Variants in TBC1D9B observed in about 807,000 individuals in gnomAD.
TBC1D9B encodes TBC1 domain family member 9B.
TBC1D9B carries 87 observed loss-of-function variants against 121.1 expected under a neutral mutation model. The observed-to-expected ratio is 0.72, with a 90% CI of 0.60 to 0.86. The LOEUF is 0.86. TBC1D9B is among the 40% of genes least tolerant of loss of function. The pLI, the probability that TBC1D9B is intolerant of heterozygous loss-of-function variation, is 0.00. For missense variants in TBC1D9B, 1,540 were observed against 1,628.6 expected, an observed-to-expected ratio of 0.95 and a Z score of 0.94; for synonymous variants, 668 against 670.1, an observed-to-expected ratio of 1.00 and a Z score of 0.05.
Position 179,891,506 on chromosome 5 carries a change from G to C in TBC1D9B, c.917C>G (p.Thr306Arg), listed in dbSNP as rs778754397. 1 of 1,614,174 alleles carries C rather than the reference G, an allele frequency of 6.2e-7. No homozygotes were observed. The highest frequency in any genetic ancestry group is 1.1e-5 in the South Asian group (1 of 91,086). Residue 306 changes from threonine (T) to arginine (R), a missense_variant, in exon 6 of 21, where the codon ACA becomes AGA. Thr to Arg is a moderately conservative substitution (Grantham distance 71). Coordinates refer to ENST00000355235, the MANE Select transcript of TBC1D9B (RefSeq NM_015043.4). The surrounding 1 kb of genome is among the most constrained non-coding windows in gnomAD (Gnocchi z 4.3). ...GAACGGCGTCCACAGGGTGCAGCTT[G>C]TGTGGCCGTCTAGCCGCTCATCCCT... ...LPRDERLDGH[T>R]SCTLWTPFNK...
intron 6 of TBC1D9B, among the ~76,000 whole-genome samples, chr5:179,889,155 A>G (rs977937686): frequency 1.6e-4 from 25 of 151,624 alleles, no homozygotes; most frequent in Admixed American, 9.8e-4. Context: ...TCAGCCTCCC[A>G]AGTAGCTGGG....
chr5:179,878,905 A>C, intron 9 of TBC1D9B, 142 bp downstream of exon 9: 1 of 1,221,820 alleles, frequency 8.2e-7, no homozygotes, highest in Non-Finnish European at 1.1e-6. Context: ...CAGAGCCCAG[A>C]GCCCGGCTCC....
intron 2 of TBC1D9B, among the ~76,000 whole-genome samples, chr5:179,900,602 T>C (rs1761139422): frequency 6.6e-6 from 1 of 152,108 alleles, no homozygotes; most frequent in African/African-American, 2.4e-5. Context: ...CAGGGTTAGG[T>C]TCCTGGAGCC....
intron 8 of TBC1D9B, 66 bp downstream of exon 8, chr5:179,879,562 G>A: frequency 1.2e-6 from 2 of 1,610,108 alleles, no homozygotes; most frequent in Non-Finnish European, 1.7e-6. Flanking sequence ...CCCAGGACTG[G>A]CTCCAGCTTT....
intron 7 of TBC1D9B, among the ~76,000 whole-genome samples, chr5:179,886,435 G>C (rs556178501): frequency 6.6e-6 from 1 of 152,138 alleles, no homozygotes; most frequent in African/African-American, 2.4e-5. Context: ...CATGGAGGCA[G>C]AGGAGGCTCG....
At chr5:179,901,749 C>T (rs1761172105) in intron 2 of TBC1D9B, among the ~76,000 whole-genome samples, 1 of 152,168 alleles carries the variant, frequency 6.6e-6, no homozygotes, top group African/African-American at 2.4e-5. Context: ...GCCTGGGCAA[C>T]AGAAAGAGAA....
chr5:179,868,849 G>C (rs915584675), intron 17 of TBC1D9B: 1 of 152,724 alleles, frequency 6.5e-6, no homozygotes, highest in Non-Finnish European at 1.5e-5. Flanking sequence ...GGCAGGCTGA[G>C]GAGGCTCAGG....
In TBC1D9B at chr5:179,891,459, G is replaced by A. The variant is rs772091781; in HGVS notation, c.964C>T (p.Gln322Ter). The change falls in exon 6 of 21, where the codon CAG becomes TAG. Residue 322 changes from glutamine (Q) to a stop codon, truncating the protein, a stop_gained. Coordinates refer to ENST00000355235, the MANE Select transcript of TBC1D9B (RefSeq NM_015043.4). LOFTEE classifies it high-confidence loss of function. This position sits in a 1 kb window ranked among gnomAD's most constrained non-coding sequence, Gnocchi z 4.3. Reference protein sequence around the residue: ...TPFNKLHIPGQMFISNNYICF... With the variant: ...TPFNKLHIPG ...ATGTAGTTGTTGGAGATGAACATCT[G>A]GCCAGGGATGTGCAGCTTGTTGAAC... The A allele has an allele frequency of 6.2e-7, 1 of 1,614,238 alleles. No individual in the cohort carries two copies. Among genetic ancestry groups the A allele is most frequent in the Non-Finnish European group, 8.5e-7 (1 of 1,180,040 alleles).
At position 179,894,560 on chromosome 5, in the gene TBC1D9B, C is replaced by G. The variant is rs898192019; in HGVS notation, c.403G>C (p.Gly135Arg). The change falls in exon 4 of 21, where the codon GGG (glycine) becomes CGG (arginine). Residue 135 changes from glycine (G) to arginine (R), a missense_variant. Transcript: ENST00000355235. ...TTCAGCTCAGCCTCCTTGAACTTCC[C>G]GGGGTCCTCGTCTCCCTGGGGCTGC... ...NLQPQGDEDP[G>R]KFKEAELKMR... The G allele has an allele frequency of 1.2e-6, 2 of 1,614,230 alleles. No individual in the cohort carries two copies.
Position 179,870,444 on chromosome 5 carries a change from G to T in TBC1D9B, c.2536C>A (p.Arg846Ser). 3 of 1,613,052 alleles carry T rather than the reference G, an allele frequency of 1.9e-6. No homozygotes were observed. ...AGGTAGGGCAGGCTGGGGTCCCGAC[G>T]GCCGGCCATTGTGCGGCTGCACCCC... Reference protein sequence around the residue: ...YWGCSRTMAGRRDPSLPYLEQ... With the variant: ...YWGCSRTMAGSRDPSLPYLEQ... Residue 846 changes from arginine (R) to serine (S), a missense_variant, in exon 16 of 21, where the codon CGT (arginine) becomes AGT (serine). By Grantham distance (110) the Arg-to-Ser change is moderately radical. Coordinates refer to ENST00000355235, the MANE Select transcript of TBC1D9B (RefSeq NM_015043.4).
At chr5:179,899,146 G>A in intron 3 of TBC1D9B, 43 bp downstream of exon 3, 2 of 1,510,916 alleles carry the variant, frequency 1.3e-6, no homozygotes, top group Non-Finnish European at 9.2e-7. Flanking sequence ...GAACACTGCT[G>A]GCCAGGGAAG....
At chr5:179,906,853 C>A (rs570714099) in intron 1 of TBC1D9B, among the ~76,000 whole-genome samples, 4 of 152,378 alleles carry the variant, frequency 2.6e-5, no homozygotes, top group African/African-American at 9.6e-5. Flanking sequence ...ACTGGGACCG[C>A]AATCCTGTAG....
intron 20 of TBC1D9B, among the ~76,000 whole-genome samples, chr5:179,864,712 G>C (rs1429586799): frequency 6.6e-6 from 1 of 152,226 alleles, no homozygotes; most frequent in Non-Finnish European, 1.5e-5. Context: ...CTGGGGGAGT[G>C]GTCAGATTGC....
intron 7 of TBC1D9B, among the ~76,000 whole-genome samples, chr5:179,880,852 C>T (rs1488980182): frequency 6.6e-6 from 1 of 152,204 alleles, no homozygotes; most frequent in Non-Finnish European, 1.5e-5. Flanking sequence ...TGACGACAAG[C>T]TGCCTGAATC....
chr5:179,878,164 CTG>C lies in TBC1D9B; in HGVS notation c.1782+143_1782+144del, dbSNP rs1760415040. 3.3e-5 allele frequency: 28 copies of C among 854,250 alleles called. No homozygotes were observed. The East Asian group carries it at 7.5e-4, about 23-fold the overall frequency. 52.9% of individuals were successfully genotyped at this position (854,250 alleles called of 1,614,324 possible). On this transcript the variant is annotated intron_variant, in intron 10 of 20. Coordinates refer to ENST00000355235, the MANE Select transcript of TBC1D9B (RefSeq NM_015043.4). ...ATGGGGATGCGATGAGCAATTAATA[CTG>C]TTTTTAAATTACATCTTTTTCTGCT...
At position 179,904,700 on chromosome 5, in the gene TBC1D9B, A is replaced by G; in HGVS notation, c.229+2T>C. On this transcript the variant is annotated splice_donor_variant, in intron 2 of 20. Transcript: ENST00000355235. LOFTEE classifies it high-confidence loss of function. The surrounding 1 kb of genome is among the most constrained non-coding windows in gnomAD (Gnocchi z 4.2). ...GCACCCCTCACCACTCAGGGCACCTACCACACGCCACTGTCCAGTAGACCT... is the reference window on the plus strand; with the variant it reads ...GCACCCCTCACCACTCAGGGCACCTGCCACACGCCACTGTCCAGTAGACCT... 6.4e-7 allele frequency: 1 copy of G among 1,562,882 alleles called. No individual in the cohort carries two copies. The highest frequency in any genetic ancestry group is 8.7e-7 in the Non-Finnish European group (1 of 1,153,894).
chr5:179,897,101 G>A (rs1360218472), intron 3 of TBC1D9B, among the ~76,000 whole-genome samples: 2 of 151,720 alleles, frequency 1.3e-5, no homozygotes, highest in African/African-American at 2.4e-5. Flanking sequence ...TAGAGATGGG[G>A]TTTCACTGTG....
chr5:179,864,728 C>T (rs889309527), intron 20 of TBC1D9B, among the ~76,000 whole-genome samples: 2 of 152,214 alleles, frequency 1.3e-5, no homozygotes, highest in Admixed American at 6.5e-5. Flanking sequence ...ATTGCAGGGT[C>T]CCCTACTGGG....
chr5:179,887,325 C>A (rs529386420), intron 7 of TBC1D9B, among the ~76,000 whole-genome samples: 1 of 152,238 alleles, frequency 6.6e-6, no homozygotes, highest in Admixed American at 6.5e-5. Context: ...TGCCCACAGG[C>A]GGACCTGCCA....
Sources: allele counts gnomAD v4.1 joint callset (sites outside exome capture counted in the v4.1 genomes callset), GRCh38; gene constraint gnomAD v4.1.1; non-coding constraint Gnocchi (gnomAD v3.1); transcripts MANE v1.5; gene names NCBI Gene and HGNC (gene_info 2026-07-23, HGNC 2026-07-21).